The following SYNPR variants were observed in gnomAD, a reference collection of about 807,000 sequenced individuals.
SYNPR encodes the protein synaptoporin.
In SYNPR, 23 loss-of-function variants were observed where a neutral mutation model predicts 32.9. That is an observed-to-expected ratio of 0.70 (90% confidence interval 0.50 to 0.99). SYNPR has a LOEUF of 0.99. Among genes scored for constraint, SYNPR ranks in the 50% least tolerant of loss-of-function variants. The probability of loss-of-function intolerance (pLI) is 0.00; values close to 1 mark genes in which losing one functional copy is unlikely to be tolerated. For synonymous variants in SYNPR, 146 were observed against 135.9 expected (o/e 1.07, Z -0.52); for missense variants, 318 against 349.3 (o/e 0.91, Z 0.71).
intron 1 of SYNPR, among the ~76,000 whole-genome samples, chr3:63,236,587 T>C (rs370826925): frequency 2.7e-4 from 41 of 152,270 alleles, no homozygotes; most frequent in Non-Finnish European, 5.1e-4. Flanking sequence ...ACACATCCTG[T>C]ACATATTAAG....
At chr3:63,379,251 A>C (rs1025337685) in intron 2 of SYNPR, among the ~76,000 whole-genome samples, 6 of 152,142 alleles carry the variant, frequency 3.9e-5, no homozygotes, top group Non-Finnish European at 8.8e-5. Context: ...AGGAACTTGA[A>C]AAGTATGTAT....
chr3:63,294,774 A>G (rs1270166848), intron 2 of SYNPR, among the ~76,000 whole-genome samples: 2 of 152,140 alleles, frequency 1.3e-5, no homozygotes, highest in Admixed American at 1.3e-4. Flanking sequence ...TGTCTTATTT[A>G]TATTATTTAT....
intron 3 of SYNPR, among the ~76,000 whole-genome samples, chr3:63,500,916 G>A (rs907819660): frequency 6.6e-5 from 10 of 152,158 alleles, no homozygotes; most frequent in African/African-American, 2.4e-4. Flanking sequence ...TATGGGCTGA[G>A]TCTTTGTACA....
At chr3:63,365,615 C>G (rs1044927084) in intron 2 of SYNPR, among the ~76,000 whole-genome samples, 1 of 152,040 alleles carries the variant, frequency 6.6e-6, no homozygotes, top group Non-Finnish European at 1.5e-5. Context: ...TTGAAAGATA[C>G]TGAAAGAGGA....
intron 2 of SYNPR, among the ~76,000 whole-genome samples, chr3:63,403,637 G>A (rs976553455): frequency 2.6e-5 from 4 of 152,102 alleles, no homozygotes; most frequent in Admixed American, 1.3e-4. Flanking sequence ...GCTGAAACAC[G>A]AAATTGGAGG....
At chr3:63,452,344 A>G (rs560845167) in intron 2 of SYNPR, among the ~76,000 whole-genome samples, 12 of 152,334 alleles carry the variant, frequency 7.9e-5, no homozygotes, top group African/African-American at 2.4e-4. Flanking sequence ...TGCTAAAAAT[A>G]AAAGCTAAGC....
At chr3:63,355,743 A>G (rs190992796) in intron 2 of SYNPR, among the ~76,000 whole-genome samples, 2 of 149,776 alleles carry the variant, frequency 1.3e-5, no homozygotes, top group East Asian at 3.9e-4. Context: ...TCTGCCACAC[A>G]GCCTTTGCCA....
intron 3 of SYNPR, among the ~76,000 whole-genome samples, chr3:63,489,464 C>T (rs1701216317): frequency 6.6e-6 from 1 of 152,170 alleles, no homozygotes; most frequent in African/African-American, 2.4e-5. Context: ...TACGGGTGGG[C>T]AACCAACAGC....
intron 1 of SYNPR, among the ~76,000 whole-genome samples, chr3:63,232,526 A>C (rs2106874245): frequency 6.6e-6 from 1 of 152,310 alleles, no homozygotes; most frequent in African/African-American, 2.4e-5. Context: ...GTATATTAAA[A>C]GAACTAAAAT....
Position 63,476,867 on chromosome 3 carries a change from G to T in SYNPR, c.85-3965G>T, listed in dbSNP as rs561644334. 2.0e-5 allele frequency among the ~76,000 whole-genome samples: 3 copies of T among 152,278 alleles called. No individual in the cohort carries two copies. In the East Asian group the frequency reaches 5.8e-4, roughly 29 times the overall value. On this transcript the variant is annotated intron_variant, in intron 2 of 5. Transcript: ENST00000478300. ...CCCATATCTAGCATTAAGCCCCATGGTGGGTGGGAAACTTCCTTATCCTTG... is the reference window on the plus strand; with the variant it reads ...CCCATATCTAGCATTAAGCCCCATGTTGGGTGGGAAACTTCCTTATCCTTG...
chr3:63,425,043 G>A (rs1460385065), intron 2 of SYNPR, among the ~76,000 whole-genome samples: 1 of 152,160 alleles, frequency 6.6e-6, no homozygotes, highest in Non-Finnish European at 1.5e-5. Context: ...GGAAAGTGTG[G>A]TCTTCCTGCT....
At chr3:63,599,539 G>T (rs1459562582) in intron 4 of SYNPR, among the ~76,000 whole-genome samples, 1 of 152,138 alleles carries the variant, frequency 6.6e-6, no homozygotes, top group Non-Finnish European at 1.5e-5. Flanking sequence ...ATACCACATA[G>T]CCTAAGCATA....
At chr3:63,396,478 A>T (rs2088214240) in intron 2 of SYNPR, among the ~76,000 whole-genome samples, 1 of 152,154 alleles carries the variant, frequency 6.6e-6, no homozygotes, top group Admixed American at 6.5e-5. Context: ...CCCTTTCAGA[A>T]ATAGTATTAG....
intron 2 of SYNPR, among the ~76,000 whole-genome samples, chr3:63,331,603 A>G (rs2087230114): frequency 6.6e-6 from 1 of 152,082 alleles, no homozygotes; most frequent in African/African-American, 2.4e-5. Context: ...CCAGTAGTCT[A>G]GAAGGGGCTT....
chr3:63,346,801 G>A (rs997686652), intron 2 of SYNPR, among the ~76,000 whole-genome samples: 1 of 152,104 alleles, frequency 6.6e-6, no homozygotes. Context: ...TACCAACTCT[G>A]TCGGCTTGCC....
chr3:63,230,793 G>A (rs769428748), intron 1 of SYNPR, among the ~76,000 whole-genome samples: 7 of 152,148 alleles, frequency 4.6e-5, no homozygotes, highest in Admixed American at 2.0e-4. Flanking sequence ...AAGATTTTAC[G>A]GATAAATCTC....
intron 2 of SYNPR, among the ~76,000 whole-genome samples, chr3:63,477,843 G>A (rs1700961669): frequency 6.6e-6 from 1 of 152,212 alleles, no homozygotes; most frequent in South Asian, 2.1e-4. Flanking sequence ...ATGTCAGCAG[G>A]GAAGTTACAC....
At chr3:63,447,998 A>ATATTTATTTATCTATTTATT (rs1700309584) in intron 2 of SYNPR, among the ~76,000 whole-genome samples, 2 of 151,628 alleles carry the variant, frequency 1.3e-5, no homozygotes, top group African/African-American at 4.8e-5. Flanking sequence ...TGCCTACAGA[A>ATATTTATTTATCTATTTATT]TATTTATTTA....
At chr3:63,272,200 C>G (rs999142517) in intron 3 of SYNPR, among the ~76,000 whole-genome samples, 2 of 152,176 alleles carry the variant, frequency 1.3e-5, no homozygotes, top group Admixed American at 6.6e-5. Context: ...GGGTACCTTA[C>G]TTGCATTAAC....
Sources: allele counts gnomAD v4.1 joint callset (sites outside exome capture counted in the v4.1 genomes callset), GRCh38; gene constraint gnomAD v4.1.1; transcripts MANE v1.5; gene names NCBI Gene and HGNC (gene_info 2026-07-23, HGNC 2026-07-21).